Variants in FBXL7 observed in about 807,000 individuals in gnomAD.
FBXL7 encodes the protein F-box/LRR-repeat protein 7.
FBXL7 carries 12 observed loss-of-function variants against 38.3 expected under a neutral mutation model. That is an observed-to-expected ratio of 0.31 (90% CI 0.20 to 0.51). The LOEUF (loss-of-function observed/expected upper bound fraction) is 0.51. FBXL7 is among the 20% of genes least tolerant of loss of function. The pLI is 0.98. For synonymous variants in FBXL7, 297 were observed against 300.9 expected, an observed-to-expected ratio of 0.99 and a Z score of 0.13; for missense variants, 567 against 676.4, an observed-to-expected ratio of 0.84 and a Z score of 1.79.
intron 2 of FBXL7, among the ~76,000 whole-genome samples, chr5:15,807,325 T>C (rs1453137166): frequency 6.6e-6 from 1 of 152,160 alleles, no homozygotes. Context: ...ACCATGCTGG[T>C]ACTTGGAGTT....
At position 15,936,981 on chromosome 5, in the gene FBXL7, C is replaced by T; in HGVS notation, c.1271C>T (p.Ala424Val). The T allele has an allele frequency of 1.2e-6, 2 of 1,614,036 alleles. No homozygotes were observed. Among genetic ancestry groups the T allele is most frequent in the Non-Finnish European group, 1.7e-6 (2 of 1,179,896 alleles). Residue 424 changes from alanine to valine, a missense_variant, in exon 4 of 4, where the codon GCC becomes GTC. Ala to Val is a moderately conservative substitution (Grantham distance 64). Transcript: ENST00000504595. This position sits in a 1 kb window ranked among gnomAD's most constrained non-coding sequence, Gnocchi z 6.0. ...LVSDTGLECLALNCFNLKRLS... is the reference protein window; with the variant it reads ...LVSDTGLECLVLNCFNLKRLS... ...TCCGACACGGGCCTGGAGTGCCTGG[C>T]CCTGAACTGCTTCAACCTCAAGCGG...
At chr5:15,654,558 A>G (rs918597113) in intron 2 of FBXL7, among the ~76,000 whole-genome samples, 1 of 152,128 alleles carries the variant, frequency 6.6e-6, no homozygotes, top group Non-Finnish European at 1.5e-5. Context: ...TCTATTACTA[A>G]TGGGTCATTT....
chr5:15,797,685 T>C (rs1484363541), intron 2 of FBXL7, among the ~76,000 whole-genome samples: 1 of 152,200 alleles, frequency 6.6e-6, no homozygotes, highest in East Asian at 1.9e-4. Context: ...ATGCAGCATT[T>C]TAACCTTGAT....
chr5:15,673,437 G>T (rs1349730665), intron 2 of FBXL7, among the ~76,000 whole-genome samples: 2 of 152,146 alleles, frequency 1.3e-5, no homozygotes, highest in Non-Finnish European at 2.9e-5. Context: ...AGGTCATCTA[G>T]TAGTAGTTGC....
intron 2 of FBXL7, among the ~76,000 whole-genome samples, chr5:15,921,467 C>G (rs1741740016): frequency 6.6e-6 from 1 of 152,046 alleles, no homozygotes; most frequent in South Asian, 2.1e-4. Context: ...GTCCATGTCT[C>G]CATTCATCCA....
At chr5:15,512,619 T>G (rs1736830400) in intron 1 of FBXL7, among the ~76,000 whole-genome samples, 1 of 152,216 alleles carries the variant, frequency 6.6e-6, no homozygotes, top group Non-Finnish European at 1.5e-5. Flanking sequence ...GAACTTTATT[T>G]GTATCAACAT....
At chr5:15,789,958 A>G (rs1042959366) in intron 2 of FBXL7, among the ~76,000 whole-genome samples, 1 of 152,126 alleles carries the variant, frequency 6.6e-6, no homozygotes, top group Non-Finnish European at 1.5e-5. Context: ...TGGACCTTGA[A>G]TTTGCCCTGA....
rs73061116 is a variant in FBXL7, at chr5:15,531,911, C to T, written c.37+31198C>T. Among the ~76,000 whole-genome samples, 574 of 152,274 alleles carry T rather than the reference C, an allele frequency of 3.8e-3. 6 individuals are homozygous for T. Among genetic ancestry groups the T allele is most frequent in the African/African-American group, 0.013 (529 of 41,552 alleles). ...GTGTGGGTTTATGCTTAAAGAAACC[C>T]TTTGCTGGTTCAGGATTAAGAGTGT... On this transcript the variant is annotated intron_variant, in intron 1 of 3. Coordinates refer to ENST00000504595, the MANE Select transcript of FBXL7 (RefSeq NM_012304.5).
intron 1 of FBXL7, among the ~76,000 whole-genome samples, chr5:15,523,409 A>G (rs916336303): frequency 6.6e-6 from 1 of 152,118 alleles, no homozygotes; most frequent in Non-Finnish European, 1.5e-5. Context: ...ATACAAAAAA[A>G]TTAGCTGGGT....
rs1435984058 is a variant in FBXL7, at chr5:15,912,132, C to T, written c.128-15758C>T. ...GGCGCCCCTCCCCCAGCCTCGTTGC[C>T]GCCTTGCAGTTTGATCTCAGACTGC... On this transcript the variant is annotated intron_variant, in intron 2 of 3. Coordinates refer to ENST00000504595, the MANE Select transcript of FBXL7 (RefSeq NM_012304.5). 4.0e-4 allele frequency among the ~76,000 whole-genome samples: 21 copies of T among 52,514 alleles called. No individual in the cohort carries two copies. The Admixed American group carries it at 4.0e-3, about 10-fold the overall frequency. 34.5% of individuals were successfully genotyped at this position (52,514 alleles called of 152,430 possible). A position where few individuals can be genotyped will look rare whatever the true frequency, so the allele number is the denominator to read the frequency against.
rs376490785 is a variant in FBXL7 at position 15,790,962 on chromosome 5, G to A, written c.128-136928G>A. Among the ~76,000 whole-genome samples, 74 of 151,956 alleles carry A rather than the reference G, an allele frequency of 4.9e-4. No individual in the cohort carries two copies. In the South Asian group the frequency reaches 0.013, roughly 27 times the overall value. ...CCTTTTGGTCATGGGAAGTCCGTGAGTACCAGTGCCCTTCTGAATGGGGTG... is the reference window on the plus strand; with the variant it reads ...CCTTTTGGTCATGGGAAGTCCGTGAATACCAGTGCCCTTCTGAATGGGGTG... On this transcript the variant is annotated intron_variant, in intron 2 of 3. Transcript: ENST00000504595.
intron 2 of FBXL7, among the ~76,000 whole-genome samples, chr5:15,883,715 G>T (rs1482922868): frequency 6.6e-6 from 1 of 152,132 alleles, no homozygotes; most frequent in Admixed American, 6.5e-5. Context: ...AATTTTTTCA[G>T]TGGGTGGTAG....
intron 2 of FBXL7, among the ~76,000 whole-genome samples, chr5:15,632,475 A>C (rs1741033170): frequency 6.6e-6 from 1 of 152,182 alleles, no homozygotes; most frequent in Non-Finnish European, 1.5e-5. Flanking sequence ...GAGATTTCTC[A>C]AAGAATTTAA....
chr5:15,536,567 G>A (rs749452877), intron 1 of FBXL7, among the ~76,000 whole-genome samples: 17 of 152,172 alleles, frequency 1.1e-4, no homozygotes, highest in Admixed American at 2.0e-4. Flanking sequence ...TTGGACTTTC[G>A]TGGGGCCTGT....
At chr5:15,926,166 T>C (rs1741871858) in intron 2 of FBXL7, among the ~76,000 whole-genome samples, 1 of 152,014 alleles carries the variant, frequency 6.6e-6, no homozygotes, top group Admixed American at 6.6e-5. Flanking sequence ...TCTTCATGTG[T>C]GTGGGTATAT....
At chr5:15,776,060 T>TTTGTTCTTA (rs1199508035) in intron 2 of FBXL7, among the ~76,000 whole-genome samples, 1 of 152,018 alleles carries the variant, frequency 6.6e-6, no homozygotes, top group Admixed American at 6.6e-5. Flanking sequence ...GAACCAAAGT[T>TTTGTTCTTA]TTGTTCTTAT....
Position 15,868,127 on chromosome 5 carries a change from G to A in FBXL7, c.128-59763G>A, listed in dbSNP as rs1387956227. Among the ~76,000 whole-genome samples the A allele has an allele frequency of 4.0e-5, 6 of 151,354 alleles. No homozygotes were observed. In the South Asian group the frequency reaches 8.4e-4, roughly 21 times the overall value. On this transcript the variant is annotated intron_variant, in intron 2 of 3. Coordinates refer to ENST00000504595, the MANE Select transcript of FBXL7 (RefSeq NM_012304.5). ...CAAAAAAAAAAAAAAAAAAAAAATGGAGGAAAGGGACCATGGGCCAAGGAA... is the reference window on the plus strand; with the variant it reads ...CAAAAAAAAAAAAAAAAAAAAAATGAAGGAAAGGGACCATGGGCCAAGGAA...
chr5:15,750,492 CT>C (rs1736127978), intron 2 of FBXL7, among the ~76,000 whole-genome samples: 1 of 152,182 alleles, frequency 6.6e-6, no homozygotes, highest in African/African-American at 2.4e-5. Flanking sequence ...ATGTTACCCC[CT>C]ATAGGACTAG....
chr5:15,875,308 C>T (rs1740153515), intron 2 of FBXL7, among the ~76,000 whole-genome samples: 1 of 152,188 alleles, frequency 6.6e-6, no homozygotes, highest in Admixed American at 6.5e-5. Flanking sequence ...ACCATAAAAA[C>T]CCTAGAAGAA....
Sources: allele counts gnomAD v4.1 joint callset (sites outside exome capture counted in the v4.1 genomes callset), GRCh38; gene constraint gnomAD v4.1.1; non-coding constraint Gnocchi (gnomAD v3.1); transcripts MANE v1.5; gene names NCBI Gene and HGNC (gene_info 2026-07-23, HGNC 2026-07-21).